Variants in PRMT3 observed in about 807,000 individuals in gnomAD.
PRMT3 encodes protein arginine methyltransferase 3.
A neutral mutation model predicts 71.9 loss-of-function variants in PRMT3; 62 were observed. The ratio of observed to expected loss-of-function variants is 0.86; its 90% CI spans 0.70 to 1.07. The LOEUF (loss-of-function observed/expected upper bound fraction) is 1.07. Ranked by LOEUF, PRMT3 falls within the 50% of genes least tolerant of loss-of-function variation. The pLI is 0.00. For missense variants in PRMT3, 663 were observed against 643.0 expected (o/e 1.03, Z -0.34); for synonymous variants, 213 against 220.4 (o/e 0.97, Z 0.30).
intron 8 of PRMT3, among the ~76,000 whole-genome samples, chr11:20,404,023 G>A (rs1849007603): frequency 6.6e-6 from 1 of 151,882 alleles, no homozygotes; most frequent in Non-Finnish European, 1.5e-5. Flanking sequence ...CAGATATACT[G>A]TAATTTATAT....
intron 11 of PRMT3, among the ~76,000 whole-genome samples, chr11:20,460,070 G>C (rs1190629915): frequency 6.6e-6 from 1 of 152,140 alleles, no homozygotes; most frequent in East Asian, 1.9e-4. Flanking sequence ...AGTTAGGTTT[G>C]GAAGCAATTG....
At chr11:20,431,362 C>G (rs1849651537) in intron 10 of PRMT3, among the ~76,000 whole-genome samples, 1 of 152,070 alleles carries the variant, frequency 6.6e-6, no homozygotes, top group South Asian at 2.1e-4. Context: ...TTACCTACTT[C>G]ATAAGGTTTT....
chr11:20,507,778 A>T (rs1180788672), intron 15 of PRMT3, among the ~76,000 whole-genome samples: 4 of 54,174 alleles, frequency 7.4e-5, no homozygotes, highest in Admixed American at 2.8e-4. Flanking sequence ...AGACTGTCTT[A>T]AAAAAAAAAT....
At chr11:20,459,771 C>T (rs1225873881) in intron 11 of PRMT3, among the ~76,000 whole-genome samples, 1 of 152,198 alleles carries the variant, frequency 6.6e-6, no homozygotes, top group East Asian at 1.9e-4. Flanking sequence ...CAGTGTTTCT[C>T]ATCCTAAGGA....
intron 10 of PRMT3, among the ~76,000 whole-genome samples, chr11:20,446,681 A>G (rs989277826): frequency 6.6e-6 from 1 of 152,168 alleles, no homozygotes; most frequent in African/African-American, 2.4e-5. Flanking sequence ...GAATGTGCCT[A>G]TCCTTTAATC....
intron 10 of PRMT3, among the ~76,000 whole-genome samples, chr11:20,438,761 G>A (rs1849818644): frequency 6.6e-6 from 1 of 152,144 alleles, no homozygotes. Flanking sequence ...ACCAAATGGG[G>A]TCGTGGTTTC....
At chr11:20,450,653 G>C (rs766996987) in intron 10 of PRMT3, among the ~76,000 whole-genome samples, 1 of 151,868 alleles carries the variant, frequency 6.6e-6, no homozygotes, top group Non-Finnish European at 1.5e-5. Context: ...CAGTGAGCTG[G>C]GGGGAATAGG....
chr11:20,484,097 T>C (rs1851012856), intron 13 of PRMT3, among the ~76,000 whole-genome samples: 1 of 152,204 alleles, frequency 6.6e-6, no homozygotes, highest in African/African-American at 2.4e-5. Flanking sequence ...CATTCCAGGA[T>C]ATTTCATGCC....
intron 13 of PRMT3, among the ~76,000 whole-genome samples, chr11:20,475,676 CAG>C (rs1209780189): frequency 1.2e-4 from 15 of 123,370 alleles, no homozygotes; most frequent in African/African-American, 5.0e-4. Flanking sequence ...TTTTTTGAGA[CAG>C]AGTCTAGCTC....
chr11:20,415,721 A>G (rs978060884), intron 9 of PRMT3, among the ~76,000 whole-genome samples: 5 of 152,172 alleles, frequency 3.3e-5, no homozygotes, highest in Non-Finnish European at 7.3e-5. Context: ...CCAGGTAACA[A>G]GTGTGCATGA....
intron 13 of PRMT3, among the ~76,000 whole-genome samples, chr11:20,484,554 G>C (rs1851025586): frequency 6.6e-6 from 1 of 152,054 alleles, no homozygotes; most frequent in African/African-American, 2.4e-5. Context: ...TATTATAAGG[G>C]GGAGTTTTCA....
At chr11:20,466,396 A>G (rs1850512983) in intron 13 of PRMT3, among the ~76,000 whole-genome samples, 1 of 152,190 alleles carries the variant, frequency 6.6e-6, no homozygotes, top group African/African-American at 2.4e-5. Flanking sequence ...CGTGTTAGCC[A>G]CCACTGACAA....
At chr11:20,393,044 T>TTTG (rs770728424) in intron 5 of PRMT3, 45 bp downstream of exon 5, 138 of 1,254,028 alleles carry the variant, frequency 1.1e-4, no homozygotes, top group Non-Finnish European at 1.4e-4. Context: ...CATAAGGCCG[T>TTTG]TTGTTAACGG....
At chr11:20,478,887 T>G (rs1850861949) in intron 13 of PRMT3, among the ~76,000 whole-genome samples, 1 of 152,218 alleles carries the variant, frequency 6.6e-6, no homozygotes, top group Admixed American at 6.5e-5. Flanking sequence ...GGTATTAAAT[T>G]AGCTCTTAGT....
At chr11:20,392,159 TAAAC>T (rs1239172759) in intron 3 of PRMT3, 48 bp from the exon 4 acceptor site, 3 of 1,530,374 alleles carry the variant, frequency 2.0e-6, no homozygotes, top group East Asian at 2.3e-5. Context: ...ATAGGTCAGT[TAAAC>T]AAAACTCATT....
rs1180566766 is a variant in PRMT3 at position 20,444,018 on chromosome 11, C to T, written c.994-8112C>T. Among the ~76,000 whole-genome samples, 6 of 152,060 alleles carry T rather than the reference C, an allele frequency of 3.9e-5. No individual in the cohort carries two copies. In the South Asian group the frequency reaches 6.2e-4, roughly 16 times the overall value. On this transcript the variant is annotated intron_variant, in intron 10 of 15. Coordinates refer to ENST00000331079, the MANE Select transcript of PRMT3 (RefSeq NM_005788.4). The stretch of plus-strand genomic sequence containing the variant: ...GGACCTAATAAGTAGCCGTTATTAC[C>T]ATGATTCTTCTTCTTGCGTGGAAGT...
intron 13 of PRMT3, among the ~76,000 whole-genome samples, chr11:20,489,271 C>T (rs191851843): frequency 2.6e-4 from 39 of 152,172 alleles, no homozygotes; most frequent in African/African-American, 8.4e-4. Context: ...GTGACCTTGC[C>T]TTTGCAGATT....
chr11:20,452,854 C>T (rs554957411), intron 11 of PRMT3, among the ~76,000 whole-genome samples: 35 of 152,244 alleles, frequency 2.3e-4, no homozygotes, highest in African/African-American at 8.4e-4. Context: ...TCTTTCAGGA[C>T]AGGGATTGTG....
chr11:20,497,370 T>C (rs1851357002), intron 15 of PRMT3, among the ~76,000 whole-genome samples: 1 of 152,192 alleles, frequency 6.6e-6, no homozygotes, highest in Non-Finnish European at 1.5e-5. Context: ...GTGTATGCAT[T>C]TGTATCTAAA....
Sources: allele counts gnomAD v4.1 joint callset (sites outside exome capture counted in the v4.1 genomes callset), GRCh38; gene constraint gnomAD v4.1.1; transcripts MANE v1.5; gene names NCBI Gene and HGNC (gene_info 2026-07-23, HGNC 2026-07-21).